The following RSU1 variants were observed in gnomAD, a reference collection of about 807,000 sequenced individuals.
The protein encoded by RSU1 is Ras suppressor protein 1, also known as rsu-1.
Under a neutral mutation model 31.1 loss-of-function variants are expected in RSU1, and 26 were observed. The observed-to-expected ratio is 0.84, with a 90% CI of 0.61 to 1.16. The LOEUF (loss-of-function observed/expected upper bound fraction) is 1.16, where lower values mean the gene tolerates loss of function less well. Among genes scored for constraint, RSU1 ranks in the 50% most tolerant of loss-of-function variants. RSU1 has a pLI of 0.00. For synonymous variants in RSU1, 164 were observed against 136.3 expected (o/e 1.20, Z -1.41); for missense variants, 320 against 339.1 (o/e 0.94, Z 0.44).
chr10:16,669,394 T>C (rs1345115088), intron 8 of RSU1, among the ~76,000 whole-genome samples: 1 of 151,222 alleles, frequency 6.6e-6, no homozygotes, highest in East Asian at 1.9e-4. Context: ...AGCACCATAC[T>C]GCTTTTTAAC....
At chr10:16,781,405 T>C (rs1269814279) in intron 3 of RSU1, among the ~76,000 whole-genome samples, 1 of 152,184 alleles carries the variant, frequency 6.6e-6, no homozygotes, top group South Asian at 2.1e-4. Flanking sequence ...AAAATGCAGA[T>C]GTAAAGGTAT....
At chr10:16,667,085 A>C (rs981877390) in intron 8 of RSU1, among the ~76,000 whole-genome samples, 2 of 152,192 alleles carry the variant, frequency 1.3e-5, no homozygotes, top group Non-Finnish European at 2.9e-5. Flanking sequence ...GTTATCTGTT[A>C]ATTACCACTG....
chr10:16,611,791 C>G (rs779028888), intron 8 of RSU1, among the ~76,000 whole-genome samples: 11 of 152,198 alleles, frequency 7.2e-5, no homozygotes, highest in Non-Finnish European at 1.3e-4. Flanking sequence ...GATAGACTTA[C>G]TATCCAGGCT....
chr10:16,594,627 G>GAT (rs964174990), intron 8 of RSU1, among the ~76,000 whole-genome samples: 1 of 141,566 alleles, frequency 7.1e-6, no homozygotes, highest in African/African-American at 2.7e-5. Context: ...TGATATATAT[G>GAT]ATAGATAATA....
chr10:16,795,584 G>GT (rs1838013876), intron 2 of RSU1, among the ~76,000 whole-genome samples: 1 of 152,106 alleles, frequency 6.6e-6, no homozygotes, highest in Non-Finnish European at 1.5e-5. Context: ...TTCAGAACTA[G>GT]TAAGCAGAGA....
chr10:16,806,347 T>C (rs1468989249), intron 2 of RSU1, among the ~76,000 whole-genome samples: 2 of 152,196 alleles, frequency 1.3e-5, no homozygotes, highest in Non-Finnish European at 2.9e-5. Context: ...TGCATATGAC[T>C]GTCAGAAACC....
chr10:16,635,182 T>C (rs1183609724), intron 8 of RSU1, among the ~76,000 whole-genome samples: 2 of 152,228 alleles, frequency 1.3e-5, no homozygotes, highest in Non-Finnish European at 2.9e-5. Context: ...AATGGAATAT[T>C]GGCTGCTTTT....
At chr10:16,803,298 C>CA (rs1838196291) in intron 2 of RSU1, among the ~76,000 whole-genome samples, 2 of 151,994 alleles carry the variant, frequency 1.3e-5, no homozygotes, top group African/African-American at 4.8e-5. Context: ...ATATAGCTAA[C>CA]AAAATATGTA....
chr10:16,785,192 G>A (rs1430287378), intron 2 of RSU1, among the ~76,000 whole-genome samples: 2 of 151,918 alleles, frequency 1.3e-5, no homozygotes, highest in African/African-American at 4.8e-5. Context: ...ATATAAAGCA[G>A]GTAGAAAAAG....
Position 16,766,480 on chromosome 10 carries a change from C to T in RSU1, c.161-1970G>A, listed in dbSNP as rs1300393053. ...CCTGTAACCCAGCACTTTAGGAGGC[C>T]GAGGTGGGTGGACTATCTGAGGTCA... is the stretch of plus-strand genomic sequence containing the variant. On this transcript the variant is annotated intron_variant, in intron 3 of 8. Transcript: ENST00000345264. Among the ~76,000 whole-genome samples, 4 of 152,114 alleles carry T rather than the reference C, an allele frequency of 2.6e-5. No individual in the cohort carries two copies. The East Asian group carries it at 7.7e-4, about 29-fold the overall frequency.
At chr10:16,600,302 G>A (rs1165027808) in intron 8 of RSU1, among the ~76,000 whole-genome samples, 1 of 152,094 alleles carries the variant, frequency 6.6e-6, no homozygotes, top group Non-Finnish European at 1.5e-5. Flanking sequence ...CCCTGCTGAA[G>A]CCCACTTCTA....
At position 16,787,963 on chromosome 10, in the gene RSU1, G is replaced by A. The variant is rs567225896; in HGVS notation, c.110-5879C>T. 4.6e-5 allele frequency among the ~76,000 whole-genome samples: 7 copies of A among 152,314 alleles called. No homozygotes were observed. In the South Asian group the frequency reaches 1.2e-3, roughly 27 times the overall value. On this transcript the variant is annotated intron_variant, in intron 2 of 8. Transcript: ENST00000345264. ...GCTTTTAAACAGAATCCTGATAGTG[G>A]TTTCCCACATCATGGTTAAGATTTT...
intron 2 of RSU1, among the ~76,000 whole-genome samples, chr10:16,786,644 AT>A (rs1439002980): frequency 2.6e-5 from 4 of 152,048 alleles, no homozygotes; most frequent in Non-Finnish European, 5.9e-5. Context: ...GTCTACTTCT[AT>A]TTTTAAACAC....
At chr10:16,750,602 C>A (rs1057096330) in intron 7 of RSU1, among the ~76,000 whole-genome samples, 2 of 152,038 alleles carry the variant, frequency 1.3e-5, no homozygotes, top group Non-Finnish European at 2.9e-5. Context: ...TCCTACGTTG[C>A]CTCACTGCTT....
At chr10:16,619,829 C>A (rs979621734) in intron 8 of RSU1, among the ~76,000 whole-genome samples, 1 of 152,140 alleles carries the variant, frequency 6.6e-6, no homozygotes, top group East Asian at 1.9e-4. Context: ...TAGAAATTCA[C>A]AAGGGAGTTC....
intron 3 of RSU1, among the ~76,000 whole-genome samples, chr10:16,778,606 C>G (rs1837588297): frequency 6.6e-6 from 1 of 152,120 alleles, no homozygotes; most frequent in Non-Finnish European, 1.5e-5. Flanking sequence ...AGTCTACATG[C>G]AAGAGAGTTT....
At chr10:16,800,266 C>T (rs1838124828) in intron 2 of RSU1, among the ~76,000 whole-genome samples, 1 of 152,132 alleles carries the variant, frequency 6.6e-6, no homozygotes, top group Non-Finnish European at 1.5e-5. Flanking sequence ...TCGGATATGG[C>T]AGATATTTTA....
chr10:16,814,559 C>T (rs1302138519), intron 2 of RSU1, among the ~76,000 whole-genome samples: 1 of 151,908 alleles, frequency 6.6e-6, no homozygotes, highest in Non-Finnish European at 1.5e-5. Context: ...TGTGTGTGCA[C>T]TGCTGAGAAG....
chr10:16,750,684 A>G (rs1836959113), intron 7 of RSU1, among the ~76,000 whole-genome samples: 1 of 152,090 alleles, frequency 6.6e-6, no homozygotes. Context: ...CACACTAACC[A>G]AGCATACATG....
Sources: allele counts gnomAD v4.1 joint callset (sites outside exome capture counted in the v4.1 genomes callset), GRCh38; gene constraint gnomAD v4.1.1; transcripts MANE v1.5; gene names NCBI Gene and HGNC (gene_info 2026-07-23, HGNC 2026-07-21).